CSMD1: variants seen among roughly 807,000 people sequenced by gnomAD.
CSMD1 encodes CUB and sushi domain-containing protein 1.
CSMD1 carries 213 observed loss-of-function variants against 417.5 expected under a neutral mutation model. That is an observed-to-expected ratio of 0.51 (90% CI 0.46 to 0.57). The LOEUF (loss-of-function observed/expected upper bound fraction) is 0.57, where lower values mean the gene tolerates loss of function less well. CSMD1 is among the 20% of genes least tolerant of loss of function. CSMD1 has a pLI of 0.00. For synonymous variants in CSMD1, 2,862 were observed against 1,736.8 expected, an observed-to-expected ratio of 1.65 and a Z score of -16.11; for missense variants, 6,923 against 4,529.7, an observed-to-expected ratio of 1.53 and a Z score of -15.17.
chr8:4,805,307 A>C (rs1056451303), intron 1 of CSMD1, among the ~76,000 whole-genome samples: 2 of 152,190 alleles, frequency 1.3e-5, no homozygotes, highest in African/African-American at 4.8e-5. Context: ...AATATGCTTC[A>C]TGTTATAGAA....
intron 25 of CSMD1, among the ~76,000 whole-genome samples, chr8:3,299,407 A>G (rs62504384): frequency 0.16 from 24,426 of 152,078 alleles, 2,017 homozygotes; most frequent in Admixed American, 0.2. Context: ...AGCCAAGATC[A>G]CGCTATTGCA....
chr8:4,843,016 A>G (rs915330704), intron 1 of CSMD1, among the ~76,000 whole-genome samples: 1 of 152,148 alleles, frequency 6.6e-6, no homozygotes, highest in Non-Finnish European at 1.5e-5. Context: ...CTACTCCAGG[A>G]CTCTAACATC....
chr8:4,387,296 C>G, intron 3 of CSMD1, among the ~76,000 whole-genome samples: 1 of 151,968 alleles, frequency 6.6e-6, no homozygotes, highest in East Asian at 1.9e-4. Flanking sequence ...AGTCACTCTA[C>G]TTTTAGATAG....
chr8:4,453,604 G>A (rs1272777016), intron 2 of CSMD1, among the ~76,000 whole-genome samples: 1 of 151,958 alleles, frequency 6.6e-6, no homozygotes, highest in African/African-American at 2.4e-5. Flanking sequence ...GCTGTGAATC[G>A]ACAGCACAGT....
At chr8:2,981,364 A>G (rs1805409491) in intron 54 of CSMD1, among the ~76,000 whole-genome samples, 1 of 152,220 alleles carries the variant, frequency 6.6e-6, no homozygotes, top group Non-Finnish European at 1.5e-5. Flanking sequence ...TTTGTAAACT[A>G]GAAGGAGAAA....
chr8:3,877,568 G>C (rs1263996273), intron 5 of CSMD1, among the ~76,000 whole-genome samples: 1 of 152,142 alleles, frequency 6.6e-6, no homozygotes, highest in Non-Finnish European at 1.5e-5. Flanking sequence ...AAAAAAATGA[G>C]CTCTTCAGGG....
At chr8:3,345,702 C>T (rs1484886538) in intron 22 of CSMD1, among the ~76,000 whole-genome samples, 2 of 152,192 alleles carry the variant, frequency 1.3e-5, no homozygotes, top group Admixed American at 6.5e-5. Context: ...ACTACAAACC[C>T]TCCTCAGAGT....
At chr8:3,395,506 T>C (rs1811631525) in intron 17 of CSMD1, among the ~76,000 whole-genome samples, 1 of 152,352 alleles carries the variant, frequency 6.6e-6, no homozygotes, top group East Asian at 1.9e-4. Context: ...ATCTCATCAT[T>C]TCAGAAGCTA....
intron 7 of CSMD1, among the ~76,000 whole-genome samples, chr8:3,662,898 A>G (rs1480970220): frequency 1.3e-5 from 2 of 152,164 alleles, no homozygotes; most frequent in Non-Finnish European, 2.9e-5. Flanking sequence ...TGAGAGGCTT[A>G]AAACCTAGAT....
intron 3 of CSMD1, among the ~76,000 whole-genome samples, chr8:4,362,674 A>C (rs1246964267): frequency 9.9e-5 from 15 of 152,206 alleles, no homozygotes; most frequent in Non-Finnish European, 4.4e-5. Context: ...CAGTGAAATA[A>C]AAGAAATTAT....
At chr8:3,970,784 C>G (rs757947097) in intron 5 of CSMD1, among the ~76,000 whole-genome samples, 4 of 152,036 alleles carry the variant, frequency 2.6e-5, no homozygotes, top group Non-Finnish European at 5.9e-5. Context: ...TGGAGTTTCA[C>G]TCTTGTTACC....
At position 3,407,891 on chromosome 8, in the gene CSMD1, G is replaced by A. The variant is rs573819803; in HGVS notation, c.2071+8C>T. 25 of 1,592,942 alleles carry A rather than the reference G, an allele frequency of 1.6e-5. No homozygotes were observed. Among genetic ancestry groups the A allele is most frequent in the South Asian group, 5.6e-5 (5 of 89,140 alleles). ...ACTTGGATGTGTTGACTGTGTGGGC[G>A]TACTTACTGGTGTAAGTGATGTTGA... On this transcript the variant is annotated splice_region_variant and intron_variant, in intron 14 of 69. Coordinates refer to ENST00000635120, the MANE Select transcript of CSMD1 (RefSeq NM_033225.6).
Position 3,055,748 on chromosome 8 carries a change from C to T in CSMD1, c.7475-3101G>A, listed in dbSNP as rs185911687. 9.0e-4 allele frequency among the ~76,000 whole-genome samples: 137 copies of T among 152,282 alleles called. 1 individual carries two copies. Among genetic ancestry groups the T allele is most frequent in the African/African-American group, 2.8e-3 (116 of 41,560 alleles). On this transcript the variant is annotated intron_variant, in intron 49 of 69. Transcript: ENST00000635120. ...TTATTATATGTCCCAGCAGCTTAGG[C>T]GAATAATCATTTATTGATCCTGTAA...
In CSMD1 at chr8:3,726,794, G is replaced by C. The variant is rs550355203; in HGVS notation, c.932-18303C>G. Reference sequence around the variant, plus strand: ...TCTTAGCATGCCCTCTGATGGAAATGAGTTGTGCAAATATCTAATGTTTTA... The same window carrying C: ...TCTTAGCATGCCCTCTGATGGAAATCAGTTGTGCAAATATCTAATGTTTTA... On this transcript the variant is annotated intron_variant, in intron 6 of 69. Transcript: ENST00000635120. 7.0e-4 allele frequency among the ~76,000 whole-genome samples: 107 copies of C among 152,280 alleles called. 1 individual carries two copies. The highest frequency in any genetic ancestry group is 2.5e-3 in the African/African-American group (104 of 41,548).
At chr8:3,246,787 A>G (rs558329112) in intron 26 of CSMD1, among the ~76,000 whole-genome samples, 13 of 152,188 alleles carry the variant, frequency 8.5e-5, no homozygotes, top group African/African-American at 3.1e-4. Flanking sequence ...TATTTTCTTA[A>G]TCATCAATAT....
At chr8:4,094,445 G>C (rs762155565) in intron 3 of CSMD1, among the ~76,000 whole-genome samples, 1 of 152,192 alleles carries the variant, frequency 6.6e-6, no homozygotes. Context: ...GCTGTGGGAA[G>C]TGAGGTAGAG....
At chr8:4,460,049 CAAT>C (rs1440235950) in intron 2 of CSMD1, among the ~76,000 whole-genome samples, 1 of 152,134 alleles carries the variant, frequency 6.6e-6, no homozygotes, top group Non-Finnish European at 1.5e-5. Context: ...ACATTCCAGC[CAAT>C]AACAGAATAT....
chr8:3,171,457 C>A (rs1212314405), intron 37 of CSMD1, among the ~76,000 whole-genome samples: 1 of 152,152 alleles, frequency 6.6e-6, no homozygotes, highest in Non-Finnish European at 1.5e-5. Context: ...GAGCCTTGAT[C>A]AAAAGTATGA....
intron 5 of CSMD1, among the ~76,000 whole-genome samples, chr8:3,971,175 G>A (rs952547772): frequency 1.7e-4 from 26 of 152,156 alleles, no homozygotes; most frequent in African/African-American, 5.6e-4. Context: ...GCATGATGGA[G>A]GGAAGCAACA....
Sources: gnomAD v4.1 joint callset for allele counts (sites outside exome capture counted in the v4.1 genomes callset) on GRCh38, gnomAD v4.1.1 for gene constraint, MANE v1.5 for transcripts, NCBI Gene and HGNC (gene_info 2026-07-23, HGNC 2026-07-21) for gene names.